The following L3MBTL4 variants were observed in gnomAD, a reference collection of about 807,000 sequenced individuals.
L3MBTL4 encodes the protein lethal(3)malignant brain tumor-like protein 4.
In L3MBTL4, 70 loss-of-function variants were observed where a neutral mutation model predicts 84.5. The ratio of observed to expected loss-of-function variants is 0.83; its 90% CI spans 0.68 to 1.01. The LOEUF (loss-of-function observed/expected upper bound fraction) is 1.01, where lower values mean the gene tolerates loss of function less well. Among genes scored for constraint, L3MBTL4 ranks in the 50% least tolerant of loss-of-function variants. L3MBTL4 has a pLI of 0.00. For synonymous variants in L3MBTL4, 274 were observed against 259.8 expected (o/e 1.05, Z -0.52); for missense variants, 715 against 754.8 (o/e 0.95, Z 0.62).
intron 1 of L3MBTL4, among the ~76,000 whole-genome samples, chr18:6,354,439 CAAGTT>C (rs1350237536): frequency 2.0e-5 from 3 of 152,108 alleles, no homozygotes. Context: ...GGGATCACAT[CAAGTT>C]AAAAAGCTTC....
chr18:6,003,085 A>T (rs573415650), intron 16 of L3MBTL4, among the ~76,000 whole-genome samples: 762 of 98,114 alleles, frequency 7.8e-3, no homozygotes, highest in Middle Eastern at 0.038. Context: ...GATACTATAT[A>T]AAATATAGTA....
At chr18:5,960,320 A>T (rs1204408756) in intron 17 of L3MBTL4, among the ~76,000 whole-genome samples, 164 bp from the exon 18 acceptor site, 3 of 152,182 alleles carry the variant, frequency 2.0e-5, no homozygotes. Context: ...CAGAAATTAG[A>T]CCAGCCCCCA....
chr18:6,367,156 T>C (rs2053971628), intron 1 of L3MBTL4: 1 of 152,252 alleles, frequency 6.6e-6, no homozygotes, highest in Non-Finnish European at 1.5e-5. Flanking sequence ...TGCCATGCCA[T>C]CTTTTCTGAG....
intron 1 of L3MBTL4, among the ~76,000 whole-genome samples, chr18:6,337,085 T>C (rs983658495): frequency 1.3e-5 from 2 of 151,818 alleles, no homozygotes; most frequent in Non-Finnish European, 1.5e-5. Flanking sequence ...CAGTAGAACA[T>C]ATCCAAACTA....
rs528273804 is a variant in L3MBTL4, at chr18:6,093,143, T to C, written c.1373+212A>G. ...ATATGTACATTTAGAAAAAGGTAAATTCAAATATTTAAGGATGAAGCAAAA... is the reference window on the plus strand; with the variant it reads ...ATATGTACATTTAGAAAAAGGTAAACTCAAATATTTAAGGATGAAGCAAAA... On this transcript the variant is annotated intron_variant, in intron 15 of 18. Coordinates refer to ENST00000317931, the MANE Select transcript of L3MBTL4 (RefSeq NM_001330559.2). Among the ~76,000 whole-genome samples the C allele has an allele frequency of 2.0e-5, 3 of 152,324 alleles. No individual in the cohort carries two copies. The South Asian group carries it at 6.2e-4, about 32-fold the overall frequency.
At chr18:6,205,564 A>T (rs1014010599) in intron 12 of L3MBTL4, among the ~76,000 whole-genome samples, 3 of 152,216 alleles carry the variant, frequency 2.0e-5, no homozygotes, top group African/African-American at 7.2e-5. Context: ...ATAGGAAAGT[A>T]AAACAACTAC....
rs530329309 is a variant in L3MBTL4 at position 6,178,823 on chromosome 18, C to T, written c.982-6881G>A. 4.6e-5 allele frequency among the ~76,000 whole-genome samples: 7 copies of T among 152,330 alleles called. No homozygotes were observed. In the South Asian group the frequency reaches 6.2e-4, roughly 14 times the overall value. ...TTGGCATAAATCCCACACTTCCAGC[C>T]GTCTGCACCAACACAGTCTCTGCTT... On this transcript the variant is annotated intron_variant, in intron 12 of 18. Transcript: ENST00000317931.
At chr18:6,112,040 A>G (rs540827380) in intron 14 of L3MBTL4, among the ~76,000 whole-genome samples, 1 of 152,316 alleles carries the variant, frequency 6.6e-6, no homozygotes, top group Admixed American at 6.5e-5. Context: ...CAGCGTTTTT[A>G]GATCCCATAA....
intron 12 of L3MBTL4, among the ~76,000 whole-genome samples, chr18:6,187,438 C>T (rs1030023972): frequency 2.6e-5 from 4 of 152,122 alleles, no homozygotes; most frequent in Non-Finnish European, 5.9e-5. Context: ...TTTCTATTTA[C>T]ATACTGATTA....
chr18:6,144,328 C>T (rs928315473), intron 13 of L3MBTL4, among the ~76,000 whole-genome samples: 4 of 151,540 alleles, frequency 2.6e-5, no homozygotes, highest in African/African-American at 4.8e-5. Flanking sequence ...CCTCTCTGAT[C>T]TTCTGTTTCT....
chr18:5,987,372 C>A (rs2053508994), intron 16 of L3MBTL4, among the ~76,000 whole-genome samples: 1 of 152,282 alleles, frequency 6.6e-6, no homozygotes, highest in South Asian at 2.1e-4. Context: ...TCCCCTCCCT[C>A]ACTCCAGCCC....
At chr18:6,210,748 T>A (rs776819790) in intron 12 of L3MBTL4, among the ~76,000 whole-genome samples, 11 of 152,228 alleles carry the variant, frequency 7.2e-5, no homozygotes, top group Non-Finnish European at 1.6e-4. Flanking sequence ...CACAGTAACA[T>A]CTGTTCCTGT....
chr18:6,044,367 T>C (rs1319412020), intron 16 of L3MBTL4, among the ~76,000 whole-genome samples: 2 of 152,214 alleles, frequency 1.3e-5, no homozygotes, highest in Non-Finnish European at 1.5e-5. Context: ...GTTCATGCCA[T>C]GGTCACAAAT....
intron 16 of L3MBTL4, among the ~76,000 whole-genome samples, chr18:6,054,328 G>A (rs2056938540): frequency 6.6e-6 from 1 of 152,052 alleles, no homozygotes; most frequent in Non-Finnish European, 1.5e-5. Flanking sequence ...TACAGGCTCT[G>A]TAGTAAGACC....
chr18:6,184,355 G>A (rs1035673203), intron 12 of L3MBTL4, among the ~76,000 whole-genome samples: 1 of 152,028 alleles, frequency 6.6e-6, no homozygotes, highest in Non-Finnish European at 1.5e-5. Flanking sequence ...AATATCCAGA[G>A]CATATTTGTT....
In L3MBTL4 at chr18:6,176,493, C is replaced by CATCA. The variant is rs375238953; in HGVS notation, c.982-4555_982-4552dup. On this transcript the variant is annotated intron_variant, in intron 12 of 18. Transcript: ENST00000317931. ...AACAAATGGCACCAGAATGCTTGAA[C>CATCA]ATCAACATGTGAAAAAAAATGAGCC... 1.3e-3 allele frequency among the ~76,000 whole-genome samples: 204 copies of CATCA among 152,062 alleles called. 1 individual carries two copies. The highest frequency in any genetic ancestry group is 4.5e-3 in the African/African-American group (185 of 41,494).
intron 12 of L3MBTL4, among the ~76,000 whole-genome samples, chr18:6,200,137 G>A (rs2045588637): frequency 6.6e-6 from 1 of 152,240 alleles, no homozygotes; most frequent in African/African-American, 2.4e-5. Flanking sequence ...GCAAAGCACA[G>A]GGGTGCAAAC....
chr18:6,362,743 A>C (rs2053762009), intron 1 of L3MBTL4, among the ~76,000 whole-genome samples: 1 of 152,222 alleles, frequency 6.6e-6, no homozygotes. Context: ...TCATGAACCA[A>C]TATTTACTCA....
chr18:6,005,489 C>T (rs2054433630), intron 16 of L3MBTL4, among the ~76,000 whole-genome samples: 1 of 152,170 alleles, frequency 6.6e-6, no homozygotes, highest in Admixed American at 6.5e-5. Context: ...CTCTCTCCTC[C>T]TATCTCCACC....
Sources: allele counts gnomAD v4.1 joint callset (sites outside exome capture counted in the v4.1 genomes callset), GRCh38; gene constraint gnomAD v4.1.1; transcripts MANE v1.5; gene names NCBI Gene and HGNC (gene_info 2026-07-23, HGNC 2026-07-21).